PDE8A: variants seen among roughly 807,000 people sequenced by gnomAD.
PDE8A encodes high affinity cAMP-specific and IBMX-insensitive 3',5'-cyclic phosphodiesterase 8A.
A neutral mutation model predicts 105.0 loss-of-function variants in PDE8A; 59 were observed. The observed-to-expected ratio is 0.56, with a 90% CI of 0.46 to 0.70. PDE8A has a LOEUF of 0.70. PDE8A is among the 30% of genes least tolerant of loss of function. The pLI is 0.00. For synonymous variants in PDE8A, 355 were observed against 371.9 expected (o/e 0.95, Z 0.52); for missense variants, 1,014 against 1,045.9 (o/e 0.97, Z 0.42).
chr15:84,986,541 T>C (rs67613323), intron 1 of PDE8A, among the ~76,000 whole-genome samples: 28,247 of 152,080 alleles, frequency 0.19, 3,437 homozygotes, highest in Middle Eastern at 0.32. Context: ...GGTTTCCAAA[T>C]GTTACTTAAG....
chr15:85,069,934 A>G (rs2081287250), intron 3 of PDE8A, among the ~76,000 whole-genome samples: 1 of 151,972 alleles, frequency 6.6e-6, no homozygotes, highest in South Asian at 2.1e-4. Context: ...TTATTTTCCT[A>G]ATCAGTTTTG....
At chr15:85,104,525 C>T (rs2081918477) in intron 11 of PDE8A, among the ~76,000 whole-genome samples, 1 of 151,740 alleles carries the variant, frequency 6.6e-6, no homozygotes, top group Non-Finnish European at 1.5e-5. Context: ...TGAATCCAGC[C>T]TCAGGAGCCC....
chr15:85,032,773 A>T (rs1260198219), intron 1 of PDE8A, among the ~76,000 whole-genome samples: 1 of 151,258 alleles, frequency 6.6e-6, no homozygotes. Context: ...AATGCATTTT[A>T]AAAAATCAAA....
intron 1 of PDE8A, among the ~76,000 whole-genome samples, chr15:85,061,015 T>C (rs1029421518): frequency 2.0e-5 from 3 of 152,130 alleles, no homozygotes; most frequent in Non-Finnish European, 4.4e-5. Context: ...TGGTTTGTTT[T>C]ATTTTGTTTT....
chr15:85,053,408 G>C (rs2081007394), intron 1 of PDE8A, among the ~76,000 whole-genome samples: 1 of 152,142 alleles, frequency 6.6e-6, no homozygotes, highest in South Asian at 2.1e-4. Context: ...AAGTTGCCTT[G>C]GGCAGTGTGG....
rs140064129 is a variant in PDE8A, at chr15:85,022,962, G to A, written c.186+40614G>A. On this transcript the variant is annotated intron_variant, in intron 1 of 21. Coordinates refer to ENST00000394553, the MANE Select transcript of PDE8A (RefSeq NM_002605.3). ...GACAGAGTCAGTAGGAGAGATTAACGATCAAGACAGAGGGGACTGTTAAGG... is the reference window on the plus strand; with the variant it reads ...GACAGAGTCAGTAGGAGAGATTAACAATCAAGACAGAGGGGACTGTTAAGG... Among the ~76,000 whole-genome samples, 446 of 152,304 alleles carry A rather than the reference G, an allele frequency of 2.9e-3. 3 individuals are homozygous for A. The highest frequency in any genetic ancestry group is 9.9e-3 in the African/African-American group (413 of 41,546).
At chr15:85,010,415 C>T (rs893875434) in intron 1 of PDE8A, among the ~76,000 whole-genome samples, 1 of 152,186 alleles carries the variant, frequency 6.6e-6, no homozygotes, top group Non-Finnish European at 1.5e-5. Context: ...CAAAATAATA[C>T]TCATCATTTT....
intron 1 of PDE8A, among the ~76,000 whole-genome samples, chr15:85,036,518 G>C (rs755553821): frequency 6.4e-4 from 98 of 152,158 alleles, no homozygotes; most frequent in Non-Finnish European, 1.3e-3. Flanking sequence ...AGTGCTCAGA[G>C]AGTAAAGCTA....
chr15:85,115,341 G>A (rs1445913833), intron 14 of PDE8A, 98 bp from the exon 15 acceptor site: 6 of 736,914 alleles, frequency 8.1e-6, no homozygotes, highest in African/African-American at 1.8e-5. Flanking sequence ...GGTGGAGAGG[G>A]CTGCCCTGAG....
At chr15:85,083,309 CT>C (rs3835084) in intron 5 of PDE8A, among the ~76,000 whole-genome samples, 31,369 of 148,958 alleles carry the variant, frequency 0.21, 3,357 homozygotes, top group Middle Eastern at 0.29. Context: ...AAAGAAAAGC[CT>C]TTTTTTTTTT....
intron 9 of PDE8A, among the ~76,000 whole-genome samples, chr15:85,099,074 AAAG>A (rs2081811372): frequency 6.6e-6 from 1 of 152,234 alleles, no homozygotes; most frequent in African/African-American, 2.4e-5. Flanking sequence ...AAGAAGGAAA[AAAG>A]AACAGGAGAA....
At chr15:85,093,479 T>C (rs1428314320) in intron 8 of PDE8A, among the ~76,000 whole-genome samples, 1 of 152,210 alleles carries the variant, frequency 6.6e-6, no homozygotes, top group Non-Finnish European at 1.5e-5. Flanking sequence ...GAGACCAGCA[T>C]TGCAGAATGG....
intron 1 of PDE8A, among the ~76,000 whole-genome samples, chr15:85,036,175 T>C (rs1002452762): frequency 6.6e-6 from 1 of 152,204 alleles, no homozygotes; most frequent in Non-Finnish European, 1.5e-5. Flanking sequence ...CTGGCAGCCA[T>C]CCAAATTCCT....
chr15:85,098,449 G>T (rs1382231724), intron 9 of PDE8A, among the ~76,000 whole-genome samples: 3 of 152,210 alleles, frequency 2.0e-5, no homozygotes, highest in East Asian at 3.9e-4. Context: ...AACAGTTATG[G>T]ACATTCCTAT....
rs147157417 is a variant in PDE8A at position 85,020,528 on chromosome 15, C to T, written c.186+38180C>T. 5.1e-3 allele frequency among the ~76,000 whole-genome samples: 779 copies of T among 152,302 alleles called. 6 individuals are homozygous for T. Among genetic ancestry groups the T allele is most frequent in the South Asian group, 0.016 (77 of 4,822 alleles). On this transcript the variant is annotated intron_variant, in intron 1 of 21. Coordinates refer to ENST00000394553, the MANE Select transcript of PDE8A (RefSeq NM_002605.3). ...CTGAGGCACGGGAAGTGCTTGAACA[C>T]GGGAGGTGGAGGTTGCAGTGAGCCA...
At chr15:85,070,808 A>G (rs1047503640) in intron 3 of PDE8A, among the ~76,000 whole-genome samples, 1 of 152,194 alleles carries the variant, frequency 6.6e-6, no homozygotes, top group African/African-American at 2.4e-5. Context: ...TCTGCGCAGG[A>G]AAGTGTTGAG....
chr15:85,082,414 G>T (rs747628619), intron 5 of PDE8A, among the ~76,000 whole-genome samples: 1 of 151,990 alleles, frequency 6.6e-6, no homozygotes, highest in Non-Finnish European at 1.5e-5. Context: ...CCTTCATTGG[G>T]TAGGAACAGT....
chr15:85,018,795 A>G (rs1016524371), intron 1 of PDE8A, among the ~76,000 whole-genome samples: 8 of 152,274 alleles, frequency 5.3e-5, no homozygotes, highest in Admixed American at 6.5e-5. Flanking sequence ...ATATGTACTT[A>G]TTTGATTACT....
intron 1 of PDE8A, among the ~76,000 whole-genome samples, chr15:85,008,951 G>A (rs2080194158): frequency 6.6e-6 from 1 of 152,158 alleles, no homozygotes; most frequent in African/African-American, 2.4e-5. Flanking sequence ...AAGCTGGTCT[G>A]TCCCTTGTCT....
Sources: allele counts gnomAD v4.1 joint callset (sites outside exome capture counted in the v4.1 genomes callset), GRCh38; gene constraint gnomAD v4.1.1; transcripts MANE v1.5; gene names NCBI Gene and HGNC (gene_info 2026-07-23, HGNC 2026-07-21).